The following ZFP90 variants were observed in gnomAD, a reference collection of about 807,000 sequenced individuals.
ZFP90 encodes zinc finger protein 90 homolog.
In ZFP90, 38 loss-of-function variants were observed where a neutral mutation model predicts 60.8. That is an observed-to-expected ratio of 0.62 (90% confidence interval 0.48 to 0.82). The LOEUF (loss-of-function observed/expected upper bound fraction) is 0.82, where lower values mean the gene tolerates loss of function less well. Among genes scored for constraint, ZFP90 ranks in the 40% least tolerant of loss-of-function variants. ZFP90 has a pLI of 0.00. For missense variants in ZFP90, 711 were observed against 759.1 expected (o/e 0.94, Z 0.74); for synonymous variants, 287 against 264.8 (o/e 1.08, Z -0.82).
rs893750552 is a variant in ZFP90, at chr16:68,564,071, C to T, written c.1284C>T (p.Ser428=). Residue 428 remains serine (S), a synonymous_variant, in exon 5 of 5, where the codon AGC becomes AGT. Coordinates refer to ENST00000563169, the MANE Select transcript of ZFP90 (RefSeq NM_001305203.2). Reference sequence around the variant, plus strand: ...AACCTTACCAAAGCAGTAACTACAGCATAGATTTCAAGCACAGCACATCTC... The same window carrying T: ...AACCTTACCAAAGCAGTAACTACAGTATAGATTTCAAGCACAGCACATCTC... ...RGKPYQSSNY[S]IDFKHSTSLT... 3.1e-6 allele frequency: 5 copies of T among 1,613,968 alleles called. No homozygotes were observed. Among genetic ancestry groups the T allele is most frequent in the South Asian group, 1.1e-5 (1 of 91,082 alleles).
intron 1 of ZFP90, 49 bp downstream of exon 1, chr16:68,539,528 G>C (rs915880276): frequency 2.1e-5 from 10 of 474,548 alleles, no homozygotes; most frequent in African/African-American, 1.8e-4. Flanking sequence ...GGTGTCAGCC[G>C]GGCCTCGCCC....
rs535070657 is a variant in ZFP90 at position 68,565,614 on chromosome 16, T to G, written c.*916T>G. 1 of 985,466 alleles carries G rather than the reference T, an allele frequency of 1.0e-6. No homozygotes were observed. The highest frequency in any genetic ancestry group is 1.2e-6 in the Non-Finnish European group (1 of 829,936). 61.0% of individuals were successfully genotyped at this position (985,466 alleles called of 1,614,324 possible). On this transcript the variant is annotated 3_prime_UTR_variant, in exon 5 of 5. Coordinates refer to ENST00000563169, the MANE Select transcript of ZFP90 (RefSeq NM_001305203.2). The stretch of plus-strand genomic sequence containing the variant: ...TTCACAGAACTATTAAGTCCCCTTA[T>G]TGTACTTTTTATGGCATGCCCATGA...
intron 4 of ZFP90, chr16:68,562,810 A>G (rs996253071): frequency 4.7e-6 from 4 of 853,506 alleles, no homozygotes; most frequent in Admixed American, 2.8e-5. Context: ...TTTCTAACCA[A>G]CCCTCCTAGA....
At chr16:68,559,782 C>T (rs2091408452) in intron 4 of ZFP90, among the ~76,000 whole-genome samples, 1 of 152,058 alleles carries the variant, frequency 6.6e-6, no homozygotes, top group Non-Finnish European at 1.5e-5. Context: ...CCATGTTGCC[C>T]AGGTGGTCTT....
intron 2 of ZFP90, among the ~76,000 whole-genome samples, chr16:68,544,864 CTTTTTTTTTTTTTTTTTTTTTTT>C (rs71148911): frequency 4.5e-5 from 3 of 66,568 alleles, no homozygotes; most frequent in South Asian, 1.4e-3. Flanking sequence ...CTGTGAACAC[CTTTTTTTTTTTTTTTTTTTTTTT>C]TTTTTTTTTT....
rs1404785162 is a variant in ZFP90, at chr16:68,562,960, TTA to T, written c.257-80_257-79del. On this transcript the variant is annotated intron_variant, in intron 4 of 4. Transcript: ENST00000563169. ...ATTTCAAAACAGAGTCATATGTAAC[TTA>T]TATGTCTTTCTTCATTCCTACTCTA... 7 of 1,573,066 alleles carry T rather than the reference TTA, an allele frequency of 4.4e-6. No homozygotes were observed. The African/African-American group carries it at 8.1e-5, about 18-fold the overall frequency.
Position 68,564,701 on chromosome 16 carries a change from A to G in ZFP90, c.*3A>G. ...TTCATACTCGAAATAAACTCTAGGAACCGTGAAATTAAGGAATTTGCAGAA... is the reference window on the plus strand; with the variant it reads ...TTCATACTCGAAATAAACTCTAGGAGCCGTGAAATTAAGGAATTTGCAGAA... On this transcript the variant is annotated 3_prime_UTR_variant, in exon 5 of 5. Coordinates refer to ENST00000563169, the MANE Select transcript of ZFP90 (RefSeq NM_001305203.2). The G allele has an allele frequency of 1.9e-6, 3 of 1,586,974 alleles. No homozygotes were observed. The highest frequency in any genetic ancestry group is 3.4e-4 in the Middle Eastern group (2 of 5,914).
intron 2 of ZFP90, among the ~76,000 whole-genome samples, chr16:68,540,808 C>CAAAAAAAAA (rs35122186): frequency 1.7e-4 from 16 of 92,658 alleles, no homozygotes; most frequent in African/African-American, 6.8e-4. Flanking sequence ...TCCGTCTCTG[C>CAAAAAAAAA]AAAAAAAAAA....
At chr16:68,549,623 G>A (rs1201973353) in intron 2 of ZFP90, among the ~76,000 whole-genome samples, 1 of 139,758 alleles carries the variant, frequency 7.2e-6, no homozygotes, top group Non-Finnish European at 1.5e-5. Flanking sequence ...AGCTTGCAGT[G>A]AGCCGAGATC....
chr16:68,575,460 A>T (rs1194592593), intron 2 of ZFP90, among the ~76,000 whole-genome samples: 2 of 142,026 alleles, frequency 1.4e-5, no homozygotes, highest in Non-Finnish European at 1.5e-5. Flanking sequence ...AAGTCAGGTC[A>T]TCTCTCTGTT....
chr16:68,569,587 A>G (rs548170174), downstream of ZFP90, among the ~76,000 whole-genome samples: 6 of 152,072 alleles, frequency 3.9e-5, no homozygotes, highest in African/African-American at 7.2e-5. Context: ...CTTATTTCCT[A>G]GTTAACTGAG....
intron 2 of ZFP90, among the ~76,000 whole-genome samples, chr16:68,573,388 A>C (rs1462000341): frequency 6.6e-6 from 1 of 152,204 alleles, no homozygotes; most frequent in Non-Finnish European, 1.5e-5. Flanking sequence ...CCAGAACTTC[A>C]GGAGGCTTGA....
At chr16:68,545,080 C>T (rs2091123546) in intron 2 of ZFP90, among the ~76,000 whole-genome samples, 1 of 151,828 alleles carries the variant, frequency 6.6e-6, no homozygotes, top group African/African-American at 2.4e-5. Context: ...GGGGTTTCGT[C>T]ATGTTATCCA....
chr16:68,568,437 C>G (rs777138264), downstream of ZFP90, among the ~76,000 whole-genome samples: 1 of 152,208 alleles, frequency 6.6e-6, no homozygotes, highest in Non-Finnish European at 1.5e-5. Flanking sequence ...CTTTTATACA[C>G]TGCTGGCAAG....
At position 68,557,979 on chromosome 16, in the gene ZFP90, C is replaced by T. The variant is rs764384237; in HGVS notation, c.34-19C>T. The stretch of plus-strand genomic sequence containing the variant: ...TTTGTGGGGTTGATCCCCAGTTGAA[C>T]AGGAATGTGATTTTACAGGAATCAG... On this transcript the variant is annotated intron_variant, in intron 2 of 4. Coordinates refer to ENST00000563169, the MANE Select transcript of ZFP90 (RefSeq NM_001305203.2). 1 of 1,613,282 alleles carries T rather than the reference C, an allele frequency of 6.2e-7. No individual in the cohort carries two copies. The highest frequency in any genetic ancestry group is 8.5e-7 in the Non-Finnish European group (1 of 1,179,736).
In ZFP90 at chr16:68,539,783, C is replaced by A. The variant is rs1402660289; in HGVS notation, c.-10C>A. ...CTCCTGCCCCGGAGCCGGGCCCTGG[C>A]GAGGCAGGAATGGCCCCGAGGCCTC... On this transcript the variant is annotated 5_prime_UTR_variant, in exon 2 of 5. Coordinates refer to ENST00000563169, the MANE Select transcript of ZFP90 (RefSeq NM_001305203.2). 3 of 1,594,830 alleles carry A rather than the reference C, an allele frequency of 1.9e-6. No homozygotes were observed. The Admixed American group carries it at 5.2e-5, about 28-fold the overall frequency.
chr16:68,574,280 C>T (rs2091582469), intron 2 of ZFP90: 1 of 149,868 alleles, frequency 6.7e-6, no homozygotes, highest in African/African-American at 2.5e-5. Context: ...TTTCTCCTCC[C>T]CCTGAAACAA....
downstream of ZFP90, among the ~76,000 whole-genome samples, chr16:68,571,657 G>A (rs535401427): frequency 4.7e-4 from 72 of 152,270 alleles, no homozygotes; most frequent in African/African-American, 1.6e-3. Flanking sequence ...GACCCAGCAC[G>A]GCGGCTCACA....
rs367902991 is a variant in ZFP90, at chr16:68,564,174, A to G, written c.1387A>G (p.Thr463Ala). The G allele has an allele frequency of 3.3e-5, 53 of 1,614,042 alleles. No individual in the cohort carries two copies. The highest frequency in any genetic ancestry group is 4.3e-5 in the Non-Finnish European group (51 of 1,180,024). ...CTGTGGGGAAGACTTTAGTCACATT[A>G]CAGACTTTACTGACCATCAGAGGAT... ...NDCGEDFSHI[T>A]DFTDHQRIHT... is the part of the protein sequence containing the mutation. Residue 463 changes from threonine to alanine, a missense_variant, in exon 5 of 5, where the codon ACA becomes GCA. Thr to Ala is a moderately conservative substitution (Grantham distance 58). Around this residue, in one of 5 missense-constraint regions of ZFP90, gnomAD observed 295 missense variants for 274.0 expected, o/e 1.08. Coordinates refer to ENST00000563169, the MANE Select transcript of ZFP90 (RefSeq NM_001305203.2).
Sources: allele counts gnomAD v4.1 joint callset (sites outside exome capture counted in the v4.1 genomes callset), GRCh38; gene constraint gnomAD v4.1.1; regional missense constraint gnomAD v4.1.1; transcripts MANE v1.5; gene names NCBI Gene and HGNC (gene_info 2026-07-23, HGNC 2026-07-21).